CHAF1B: variants seen among roughly 807,000 people sequenced by gnomAD.
The protein encoded by CHAF1B is CAF-1 subunit B.
Under a neutral mutation model 60.7 loss-of-function variants are expected in CHAF1B, and 10 were observed. That is an observed-to-expected ratio of 0.16 (90% CI 0.10 to 0.28). The LOEUF (loss-of-function observed/expected upper bound fraction) is 0.28. Ranked by LOEUF, CHAF1B falls within the 10% of genes least tolerant of loss-of-function variation. The pLI is 1.00. For synonymous variants in CHAF1B, 261 were observed against 266.1 expected, an observed-to-expected ratio of 0.98 and a Z score of 0.19; for missense variants, 558 against 708.4, an observed-to-expected ratio of 0.79 and a Z score of 2.41.
intron 3 of CHAF1B, among the ~76,000 whole-genome samples, chr21:36,391,183 A>G (rs569058128): frequency 3.0e-4 from 45 of 152,302 alleles, no homozygotes; most frequent in African/African-American, 1.1e-3. Context: ...GTGATTTTGT[A>G]TAGCTCTGAT....
chr21:36,387,994 T>G (rs899406414), intron 3 of CHAF1B, among the ~76,000 whole-genome samples: 2 of 151,832 alleles, frequency 1.3e-5, no homozygotes, highest in African/African-American at 4.8e-5. Flanking sequence ...AGTTTTTTTG[T>G]GTGTTTTTAG....
chr21:36,403,781 G>A (rs1404288465), intron 8 of CHAF1B, among the ~76,000 whole-genome samples: 2 of 152,198 alleles, frequency 1.3e-5, no homozygotes, highest in Non-Finnish European at 2.9e-5. Flanking sequence ...TGTTCTCAGA[G>A]GAGAATGTCT....
intron 8 of CHAF1B, among the ~76,000 whole-genome samples, chr21:36,403,473 A>G (rs2086209400): frequency 6.6e-6 from 1 of 151,254 alleles, no homozygotes; most frequent in African/African-American, 2.4e-5. Flanking sequence ...AAAAAAAAAA[A>G]AAAAAAAGAA....
intron 10 of CHAF1B, among the ~76,000 whole-genome samples, 188 bp from the exon 11 acceptor site, chr21:36,411,275 G>A (rs1289291928): frequency 6.6e-6 from 1 of 151,852 alleles, no homozygotes; most frequent in African/African-American, 2.4e-5. Flanking sequence ...CCCCACGCCT[G>A]GCTAATTTTT....
At chr21:36,401,899 C>T (rs968995320) in intron 7 of CHAF1B, among the ~76,000 whole-genome samples, 8 of 151,630 alleles carry the variant, frequency 5.3e-5, no homozygotes, top group African/African-American at 1.7e-4. Flanking sequence ...TGCCACCACA[C>T]TTAGATAATT....
At chr21:36,413,715 C>G (rs572340632) in intron 12 of CHAF1B, among the ~76,000 whole-genome samples, 3 of 152,334 alleles carry the variant, frequency 2.0e-5, no homozygotes, top group African/African-American at 7.2e-5. Context: ...ACCTCTTCCT[C>G]TTGGTGATGC....
chr21:36,395,293 C>A (rs1185738230), intron 5 of CHAF1B, among the ~76,000 whole-genome samples: 1 of 152,182 alleles, frequency 6.6e-6, no homozygotes, highest in Non-Finnish European at 1.5e-5. Context: ...GGTGATCCAC[C>A]CGCCTCGGCC....
rs563694847 is a variant in CHAF1B at position 36,407,775 on chromosome 21, C to T, written c.758-986C>T. Among the ~76,000 whole-genome samples the T allele has an allele frequency of 6.6e-5, 10 of 152,056 alleles. No homozygotes were observed. The East Asian group carries it at 1.2e-3, about 18-fold the overall frequency. On this transcript the variant is annotated intron_variant, in intron 8 of 13. Transcript: ENST00000314103. ...GGCAGATCACTTGAGGTCAGGAGTT[C>T]GAGACCACCCTGGCCAACATGGTGA...
At chr21:36,391,907 A>ATGT (rs2086092077) in intron 4 of CHAF1B, among the ~76,000 whole-genome samples, 4 of 67,050 alleles carry the variant, frequency 6.0e-5, no homozygotes, top group Non-Finnish European at 9.9e-5. Context: ...TGATTTTTAA[A>ATGT]TTTTTTTTTT....
intron 10 of CHAF1B, among the ~76,000 whole-genome samples, chr21:36,409,972 T>C (rs964087451): frequency 1.3e-5 from 2 of 151,836 alleles, no homozygotes; most frequent in African/African-American, 4.8e-5. Flanking sequence ...TTTTTCTTTT[T>C]TTTTTTTTTG....
chr21:36,392,652 G>A (rs183545620), intron 4 of CHAF1B, among the ~76,000 whole-genome samples: 16,403 of 151,720 alleles, frequency 0.11, 1,024 homozygotes, highest in African/African-American at 0.16. Context: ...CTTCCCAGAC[G>A]GGGCGGCTGC....
Position 36,399,656 on chromosome 21 carries a change from G to C in CHAF1B, c.663+51G>C, listed in dbSNP as rs368254916. ...TCAGCAGCGCTTTAACTGAGACTTA[G>C]GAAGTCATGAGCTCCTCCCATACCC... On this transcript the variant is annotated intron_variant, in intron 7 of 13. Coordinates refer to ENST00000314103, the MANE Select transcript of CHAF1B (RefSeq NM_005441.3). 16 of 1,470,656 alleles carry C rather than the reference G, an allele frequency of 1.1e-5. No individual in the cohort carries two copies. The African/African-American group carries it at 2.2e-4, about 20-fold the overall frequency. The allele number at this position is 1,470,656 out of a possible 1,614,324, so 91.1% of individuals were successfully genotyped here.
chr21:36,416,657 C>T lies in CHAF1B; in HGVS notation c.*291C>T. On this transcript the variant is annotated 3_prime_UTR_variant, in exon 14 of 14. Coordinates refer to ENST00000314103, the MANE Select transcript of CHAF1B (RefSeq NM_005441.3). ...TATCCAGTGTGAAAATCAGTGAGTC[C>T]TCCCTGGCATCCTCGTGAAAGTGCA... is the stretch of plus-strand genomic sequence containing the variant. The T allele has an allele frequency of 3.8e-6, 1 of 265,094 alleles. No homozygotes were observed. Among genetic ancestry groups the T allele is most frequent in the Non-Finnish European group, 7.2e-6 (1 of 139,846 alleles). 16.4% of individuals were successfully genotyped at this position (265,094 alleles called of 1,614,324 possible).
chr21:36,390,378 G>A (rs904874877), intron 3 of CHAF1B, among the ~76,000 whole-genome samples: 23 of 151,452 alleles, frequency 1.5e-4, no homozygotes, highest in Non-Finnish European at 2.2e-4. Context: ...ATGGGAATGC[G>A]TATGTCCTCA....
At chr21:36,388,470 T>C (rs1343829405) in intron 3 of CHAF1B, among the ~76,000 whole-genome samples, 1 of 109,440 alleles carries the variant, frequency 9.1e-6, no homozygotes, top group Admixed American at 9.0e-5. Flanking sequence ...CTTTGGGAGT[T>C]TTTTTTTTTT....
At chr21:36,405,813 A>C (rs2086233816) in intron 8 of CHAF1B, among the ~76,000 whole-genome samples, 1 of 152,208 alleles carries the variant, frequency 6.6e-6, no homozygotes, top group African/African-American at 2.4e-5. Flanking sequence ...GCAAGTTCTG[A>C]ACAAATGGAA....
intron 10 of CHAF1B, among the ~76,000 whole-genome samples, chr21:36,410,342 G>C (rs1309318478): frequency 6.6e-6 from 1 of 152,146 alleles, no homozygotes; most frequent in Non-Finnish European, 1.5e-5. Context: ...CATTTGGGAA[G>C]TTTCAGCCAT....
intron 12 of CHAF1B, 40 bp downstream of exon 12, chr21:36,413,355 A>G: frequency 6.6e-6 from 10 of 1,513,756 alleles, no homozygotes; most frequent in Non-Finnish European, 7.9e-6. Flanking sequence ...GCAAAATGAA[A>G]CACAAAATGC....
intron 6 of CHAF1B, 39 bp from the exon 7 acceptor site, chr21:36,399,482 T>C (rs374984835): frequency 4.5e-6 from 7 of 1,557,204 alleles, no homozygotes; most frequent in Middle Eastern, 1.7e-4. Flanking sequence ...GCATAATTCA[T>C]TTACTAGAAG....
Sources: allele counts gnomAD v4.1 joint callset (sites outside exome capture counted in the v4.1 genomes callset), GRCh38; gene constraint gnomAD v4.1.1; transcripts MANE v1.5; gene names NCBI Gene and HGNC (gene_info 2026-07-23, HGNC 2026-07-21).